The following KRT16 variants were observed in gnomAD, a reference collection of about 807,000 sequenced individuals.
KRT16 encodes keratin 16.
A neutral mutation model predicts 44.8 loss-of-function variants in KRT16; 42 were observed. The ratio of observed to expected loss-of-function variants is 0.94; its 90% CI spans 0.73 to 1.21. The LOEUF (loss-of-function observed/expected upper bound fraction) is 1.21. Among genes scored for constraint, KRT16 ranks in the 50% most tolerant of loss-of-function variants. The probability of loss-of-function intolerance (pLI) is 0.00; values close to 1 mark genes in which losing one functional copy is unlikely to be tolerated. For synonymous variants in KRT16, 226 were observed against 260.4 expected (o/e 0.87, Z 1.27); for missense variants, 561 against 626.9 (o/e 0.89, Z 1.12).
rs1271177760 is a variant in KRT16 at position 41,611,713 on chromosome 17, C to T, written c.540G>A (p.Ala180=). The part of the protein sequence containing the change: ...TIEDLRNKII[A]ATIENAQPIL... ...TGGGCTGCGCATTCTCAATGGTGGC[C>T]GCAATGATCTGGAGTGGGGATGGAG... The change falls in exon 2 of 8, where the codon GCG becomes GCA. Residue 180 remains alanine, a synonymous_variant. Coordinates refer to ENST00000301653, the MANE Select transcript of KRT16 (RefSeq NM_005557.4). 10 of 1,610,262 alleles carry T rather than the reference C, an allele frequency of 6.2e-6. No individual in the cohort carries two copies. Among genetic ancestry groups the T allele is most frequent in the South Asian group, 2.2e-5 (2 of 90,502 alleles).
At position 41,612,672 on chromosome 17, in the gene KRT16, C is replaced by T. The variant is rs765533099; in HGVS notation, c.17G>A (p.Arg6His). 8.1e-6 allele frequency: 13 copies of T among 1,598,054 alleles called. No individual in the cohort carries two copies. Among genetic ancestry groups the T allele is most frequent in the Middle Eastern group, 2.3e-4 (1 of 4,442 alleles). The change falls in exon 1 of 8, where the codon CGC becomes CAC. Residue 6 changes from arginine (R) to histidine (H), a missense_variant. By Grantham distance (29) the Arg-to-His change is conservative. Coordinates refer to ENST00000301653, the MANE Select transcript of KRT16 (RefSeq NM_005557.4). The stretch of plus-strand genomic sequence containing the variant: ...CATGGAGCTGGAGGAGGTGAACTGG[C>T]GGCTGCAGGTGGTCATGGTGCCAAG... Reference protein sequence around the residue: MTTCSRQFTSSSSMKG... With the variant: MTTCSHQFTSSSSMKG...
chr17:41,610,716 C>T, intron 5 of KRT16, 138 bp downstream of exon 5: 1 of 1,495,068 alleles, frequency 6.7e-7, no homozygotes, highest in African/African-American at 1.4e-5. Context: ...GGCTTAGTTT[C>T]TCTATCTATA....
At position 41,611,942 on chromosome 17, in the gene KRT16, C is replaced by T. The variant is rs1316379067; in HGVS notation, c.531+216G>A. ...CAGGGAAGCTGAACTTGCAGCTGAA[C>T]CCTTGAAGGAAATAAGAGATTTAGG... On this transcript the variant is annotated intron_variant, in intron 1 of 7. Coordinates refer to ENST00000301653, the MANE Select transcript of KRT16 (RefSeq NM_005557.4). 6 of 794,108 alleles carry T rather than the reference C, an allele frequency of 7.6e-6. No individual in the cohort carries two copies. In the East Asian group the frequency reaches 1.6e-4, roughly 21 times the overall value. 49.2% of individuals were successfully genotyped at this position (794,108 alleles called of 1,614,324 possible).
Position 41,612,502 on chromosome 17 carries a change from C to T in KRT16, c.187G>A (p.Gly63Arg), listed in dbSNP as rs773632453. Residue 63 changes from glycine to arginine, a missense_variant, in exon 1 of 8, where the codon GGG (glycine) becomes AGG (arginine). Gly to Arg is a moderately radical substitution (Grantham distance 125). Coordinates refer to ENST00000301653, the MANE Select transcript of KRT16 (RefSeq NM_005557.4). ...CCACCGCCATAGCCGCCCCCCAGCC[C>T]GCAGGCTCCCCCAGAGGAGAAGCGA... ...SSRFSSGGAC[G>R]LGGGYGGGFS... is the part of the protein sequence containing the mutation. 10 of 1,605,242 alleles carry T rather than the reference C, an allele frequency of 6.2e-6. No individual in the cohort carries two copies. The highest frequency in any genetic ancestry group is 2.2e-5 in the South Asian group (2 of 90,514).
chr17:41,610,977 G>C lies in KRT16; in HGVS notation c.936C>G (p.Thr312=), dbSNP rs1237925396. The change falls in exon 5 of 8, where the codon ACC becomes ACG. Residue 312 remains threonine (T), a splice_region_variant and synonymous_variant. Coordinates refer to ENST00000301653, the MANE Select transcript of KRT16 (RefSeq NM_005557.4). ...RDAETWFLSK[T]EELNKEVASN... is the part of the protein sequence containing the mutation. The stretch of plus-strand genomic sequence containing the variant: ...AGGCCACTTCTTTGTTCAGCTCCTC[G>C]GTCTGAGGCAGGAAAGCAGAGTGAA... 3 of 1,613,946 alleles carry C rather than the reference G, an allele frequency of 1.9e-6. No individual in the cohort carries two copies. Among genetic ancestry groups the C allele is most frequent in the East Asian group, 2.2e-5 (1 of 44,886 alleles).
In KRT16 at chr17:41,611,253, G is replaced by A. The variant is rs200894937; in HGVS notation, c.772-23C>T. The A allele has an allele frequency of 6.4e-5, 103 of 1,613,792 alleles. No homozygotes were observed. In the Middle Eastern group the frequency reaches 1.8e-3, roughly 28 times the overall value. ...CTCCTGGGAAGGGATGGCAGGAGGC[G>A]GTCAGTTCAGCAGACTTCTCTCCTG... is the stretch of plus-strand genomic sequence containing the variant. On this transcript the variant is annotated intron_variant, in intron 3 of 7. Coordinates refer to ENST00000301653, the MANE Select transcript of KRT16 (RefSeq NM_005557.4).
Position 41,610,522 on chromosome 17 carries a change from C to T in KRT16, c.1089G>A (p.Glu363=), listed in dbSNP as rs1908153042. 6.2e-7 allele frequency: 1 copy of T among 1,612,088 alleles called. No homozygotes were observed. Among genetic ancestry groups the T allele is most frequent in the East Asian group, 2.2e-5 (1 of 44,892 alleles). Residue 363 remains glutamate, a synonymous_variant, in exon 6 of 8, where the codon GAG becomes GAA. Coordinates refer to ENST00000301653, the MANE Select transcript of KRT16 (RefSeq NM_005557.4). ...MKASLENSLE[E]TKGRYCMQLS... is the part of the protein sequence containing the mutation. ...GCTGCATGCAGTAGCGGCCTTTGGTCTCCTCCAGGCTGTTCTCCAGGGATG... is the reference window on the plus strand; with the variant it reads ...GCTGCATGCAGTAGCGGCCTTTGGTTTCCTCCAGGCTGTTCTCCAGGGATG...
Position 41,612,503 on chromosome 17 carries a change from G to C in KRT16, c.186C>G (p.Cys62Trp). 6.2e-7 allele frequency: 1 copy of C among 1,603,768 alleles called. No homozygotes were observed. Among genetic ancestry groups the C allele is most frequent in the Non-Finnish European group, 8.5e-7 (1 of 1,175,306 alleles). ...CACCGCCATAGCCGCCCCCCAGCCC[G>C]CAGGCTCCCCCAGAGGAGAAGCGAG... ...VSSRFSSGGA[C>W]GLGGGYGGGF... The change falls in exon 1 of 8, where the codon TGC (cysteine) becomes TGG (tryptophan). Residue 62 changes from cysteine to tryptophan, a missense_variant. Physicochemically the swap from Cys to Trp is radical, Grantham distance 215. Coordinates refer to ENST00000301653, the MANE Select transcript of KRT16 (RefSeq NM_005557.4).
In KRT16 at chr17:41,612,248, C is replaced by A. The variant is rs1908226083; in HGVS notation, c.441G>T (p.Val147=). The A allele has an allele frequency of 6.2e-7, 1 of 1,613,698 alleles. No individual in the cohort carries two copies. ...GCCTCTGGTACCAGTCACGGATCTT[C>A]ACTTCCAGGTCGGCGTTGGCCTCCT... The part of the protein sequence containing the change: ...ALEEANADLE[V]KIRDWYQRQR... Residue 147 remains valine, a synonymous_variant, in exon 1 of 8, where the codon GTG becomes GTT. Coordinates refer to ENST00000301653, the MANE Select transcript of KRT16 (RefSeq NM_005557.4).
intron 1 of KRT16, 79 bp downstream of exon 1, chr17:41,612,079 G>A: frequency 1.9e-6 from 3 of 1,545,604 alleles, no homozygotes; most frequent in Non-Finnish European, 2.7e-6. Flanking sequence ...TTTGTAAAGT[G>A]TAATTGCTAA....
Position 41,609,927 on chromosome 17 carries a change from G to T in KRT16, c.*8C>A. The T allele has an allele frequency of 6.2e-7, 1 of 1,610,916 alleles. No homozygotes were observed. The highest frequency in any genetic ancestry group is 8.5e-7 in the Non-Finnish European group (1 of 1,179,198). On this transcript the variant is annotated 3_prime_UTR_variant, in exon 8 of 8. Transcript: ENST00000301653. The stretch of plus-strand genomic sequence containing the variant: ...TGGGCAGGAGGCTGTGGTAGAGGCA[G>T]CTCAGTTCTAGGAGCTCTGGCCCTG...
chr17:41,611,379 TC>T lies in KRT16; in HGVS notation c.736del (p.Glu246ArgfsTer6). The T allele has an allele frequency of 6.2e-7, 1 of 1,614,176 alleles. No homozygotes were observed. Among genetic ancestry groups the T allele is most frequent in the Non-Finnish European group, 8.5e-7 (1 of 1,180,026 alleles). The part of the protein sequence containing the change: ...DLEMQIEGLK[E>X]ELAYLRKNHE... ...GTTCTTCCTCAGGTAGGCCAGCTCC[TC>T]CTTCAGGCCTTCGATCTGCATCTCC... On this transcript the variant is annotated frameshift_variant, in exon 3 of 8. Coordinates refer to ENST00000301653, the MANE Select transcript of KRT16 (RefSeq NM_005557.4). LOFTEE classifies it high-confidence loss of function.
At chr17:41,610,582 G>A (rs1908156161) in intron 5 of KRT16, 31 bp from the exon 6 acceptor site, 1 of 1,610,094 alleles carries the variant, frequency 6.2e-7, no homozygotes, top group Non-Finnish European at 8.5e-7. Context: ...AAGAGTCCAT[G>A]GAGGTGGTCA....
rs1908211171 is a variant in KRT16 at position 41,611,739 on chromosome 17, G to A, written c.532-18C>T. The A allele has an allele frequency of 2.5e-6, 4 of 1,604,422 alleles. No homozygotes were observed. Among genetic ancestry groups the A allele is most frequent in the East Asian group, 2.2e-5 (1 of 44,794 alleles). On this transcript the variant is annotated intron_variant, in intron 1 of 7. Transcript: ENST00000301653. ...GCAATGATCTGGAGTGGGGATGGAG[G>A]ACAGGAGCCCTGGTCAGCCAAGGAC...
In KRT16 at chr17:41,610,338, C is replaced by T; in HGVS notation, c.1273G>A (p.Asp425Asn). The T allele has an allele frequency of 4.3e-6, 7 of 1,613,006 alleles. No individual in the cohort carries two copies. Among genetic ancestry groups the T allele is most frequent in the Non-Finnish European group, 5.9e-6 (7 of 1,179,854 alleles). The change falls in exon 6 of 8, where the codon GAT becomes AAT. Residue 425 changes from aspartate to asparagine, a missense_variant. Asp to Asn is a conservative substitution (Grantham distance 23, BLOSUM62 1). Coordinates refer to ENST00000301653, the MANE Select transcript of KRT16 (RefSeq NM_005557.4). Reference sequence around the variant, plus strand: ...GAGGGGCCTGGGACTCACTGGGCATCCTCGCCCTCCAGCAGGCGGCGGTAG... The same window carrying T: ...GAGGGGCCTGGGACTCACTGGGCATTCTCGCCCTCCAGCAGGCGGCGGTAG... ...ATYRRLLEGE[D>N]AHLSSQQASG...
At position 41,610,312 on chromosome 17, in the gene KRT16, T is replaced by A. The variant is rs762324547; in HGVS notation, c.1280+19A>T. 25 of 1,613,352 alleles carry A rather than the reference T, an allele frequency of 1.5e-5. No individual in the cohort carries two copies. Among genetic ancestry groups the A allele is most frequent in the Non-Finnish European group, 2.1e-5 (25 of 1,179,830 alleles). ...GGCTAAAGGGTCTGGGAGGCAGAACTGAGGGGCCTGGGACTCACTGGGCAT... is the reference window on the plus strand; with the variant it reads ...GGCTAAAGGGTCTGGGAGGCAGAACAGAGGGGCCTGGGACTCACTGGGCAT... On this transcript the variant is annotated intron_variant, in intron 6 of 7. Coordinates refer to ENST00000301653, the MANE Select transcript of KRT16 (RefSeq NM_005557.4).
At position 41,611,407 on chromosome 17, in the gene KRT16, G is replaced by C. The variant is rs1350522582; in HGVS notation, c.709C>G (p.Leu237Val). The change falls in exon 3 of 8, where the codon CTG (leucine) becomes GTG (valine). Residue 237 changes from leucine (L) to valine (V), a missense_variant. Physicochemically the swap from Leu to Val is conservative, Grantham distance 32 (BLOSUM62 1). Coordinates refer to ENST00000301653, the MANE Select transcript of KRT16 (RefSeq NM_005557.4). ...LDELTLARTD[L>V]EMQIEGLKEE... Reference sequence around the variant, plus strand: ...TTCAGGCCTTCGATCTGCATCTCCAGGTCAGTCCTGGCCAGGGTCAGCTCA... The same window carrying C: ...TTCAGGCCTTCGATCTGCATCTCCACGTCAGTCCTGGCCAGGGTCAGCTCA... 1.2e-6 allele frequency: 2 copies of C among 1,614,108 alleles called. No individual in the cohort carries two copies. Among genetic ancestry groups the C allele is most frequent in the Non-Finnish European group, 1.7e-6 (2 of 1,180,046 alleles).
Position 41,609,904 on chromosome 17 carries a change from G to A in KRT16, c.*31C>T, listed in dbSNP as rs758823652. On this transcript the variant is annotated 3_prime_UTR_variant, in exon 8 of 8. Coordinates refer to ENST00000301653, the MANE Select transcript of KRT16 (RefSeq NM_005557.4). ...CTTCAGGAGGTGAGGCCAGCTGGTG[G>A]GCAGGAGGCTGTGGTAGAGGCAGCT... 1.9e-6 allele frequency: 3 copies of A among 1,599,434 alleles called. No homozygotes were observed. The highest frequency in any genetic ancestry group is 2.2e-5 in the East Asian group (1 of 44,810).
chr17:41,611,561 C>T (rs1385104636), intron 2 of KRT16, 60 bp from the exon 3 acceptor site: 29 of 1,608,314 alleles, frequency 1.8e-5, no homozygotes, highest in African/African-American at 2.7e-5. Flanking sequence ...GGCTCGGGGT[C>T]TGCTGGCCCT....
Sources: gnomAD v4.1 joint callset for allele counts on GRCh38, gnomAD v4.1.1 for gene constraint, MANE v1.5 for transcripts, NCBI Gene and HGNC (gene_info 2026-07-23, HGNC 2026-07-21) for gene names.